Variants in ACOX3 observed in about 807,000 individuals in gnomAD.
ACOX3 encodes the protein peroxisomal acyl-coenzyme A oxidase 3.
Under a neutral mutation model 81.5 loss-of-function variants are expected in ACOX3, and 73 were observed. The ratio of observed to expected loss-of-function variants is 0.90; its 90% confidence interval spans 0.74 to 1.09. The LOEUF is 1.09. Ranked by LOEUF, ACOX3 falls within the 50% of genes least tolerant of loss-of-function variation. The pLI is 0.00. For missense variants in ACOX3, 947 were observed against 928.0 expected (o/e 1.02, Z -0.27); for synonymous variants, 387 against 375.1 (o/e 1.03, Z -0.37).
intron 11 of ACOX3, among the ~76,000 whole-genome samples, chr4:8,390,120 A>C (rs1020065353): frequency 4.6e-5 from 7 of 151,168 alleles, no homozygotes; most frequent in East Asian, 1.9e-4. Context: ...ACAACAACAA[A>C]AAAAGCCATG....
Position 8,368,552 on chromosome 4 carries a change from AC to A in ACOX3, c.1984-1473del, listed in dbSNP as rs1715762342. Among the ~76,000 whole-genome samples, 1 of 152,052 alleles carries A rather than the reference AC, an allele frequency of 6.6e-6. No homozygotes were observed. The highest frequency in any genetic ancestry group is 1.5e-5 in the Non-Finnish European group (1 of 68,006). On this transcript the variant is annotated intron_variant, in intron 17 of 17. Transcript: ENST00000356406. This position sits in a 1 kb window ranked among gnomAD's most constrained non-coding sequence, Gnocchi z 5.9. ...GCTACTCTGGGCTCCACAGACACAGACCCAGGCTGCTGCTCCACAGGGCCTA... is the reference window on the plus strand; with the variant it reads ...GCTACTCTGGGCTCCACAGACACAGACCAGGCTGCTGCTCCACAGGGCCTA...
the ACOX3 span, chr4:8,357,187 C>T: frequency 2.2e-6 from 1 of 456,732 alleles, no homozygotes; most frequent in Non-Finnish European, 4.4e-6. Flanking sequence ...AACATGAAGC[C>T]AGCAGGTGAG....
chr4:8,429,525 A>G (rs1326947297), intron 1 of ACOX3, among the ~76,000 whole-genome samples: 3 of 152,192 alleles, frequency 2.0e-5, no homozygotes, highest in Non-Finnish European at 4.4e-5. Context: ...TCGCCACAGT[A>G]TCTTATCAGT....
rs143690057 is a variant in ACOX3 at position 8,415,985 on chromosome 4, T to C, written c.159A>G (p.Ser53=). The C allele has an allele frequency of 3.6e-5, 58 of 1,614,122 alleles. No homozygotes were observed. In the African/African-American group the frequency reaches 6.7e-4, roughly 19 times the overall value. The part of the protein sequence containing the change: ...GMLRFKKTIF[S]ALENDPLFAR... ...CGAAAAGAGGGTCATTCTCAAGAGCTGAGAAGATGGTTTTCTGGAAATGCA... is the reference window on the plus strand; with the variant it reads ...CGAAAAGAGGGTCATTCTCAAGAGCCGAGAAGATGGTTTTCTGGAAATGCA... The change falls in exon 3 of 18, where the codon TCA becomes TCG. Residue 53 remains serine, a synonymous_variant. Transcript: ENST00000356406.
chr4:8,391,066 T>TATGTAG (rs1245604582), intron 11 of ACOX3, among the ~76,000 whole-genome samples: 2 of 151,158 alleles, frequency 1.3e-5, no homozygotes, highest in African/African-American at 2.4e-5. Flanking sequence ...TGTATATGTA[T>TATGTAG]ATGTATATGA....
chr4:8,387,832 T>G (rs1718495191), intron 13 of ACOX3, among the ~76,000 whole-genome samples: 1 of 152,176 alleles, frequency 6.6e-6, no homozygotes, highest in Non-Finnish European at 1.5e-5. Context: ...CAAGGGAGCC[T>G]TCAGGAGTGC....
At chr4:8,373,705 A>G in intron 15 of ACOX3, 77 bp from the exon 16 acceptor site, 6 of 1,429,712 alleles carry the variant, frequency 4.2e-6, no homozygotes, top group Non-Finnish European at 5.8e-6. Context: ...CCCTGAGTGC[A>G]CTTTCCAAAT....
chr4:8,414,201 G>GTTT lies in ACOX3; in HGVS notation c.543+88_543+90dup. The GTTT allele has an allele frequency of 3.3e-5, 33 of 1,009,872 alleles. No homozygotes were observed. Among genetic ancestry groups the GTTT allele is most frequent in the Middle Eastern group, 2.5e-4 (1 of 3,942 alleles). The allele number at this position is 1,009,872 out of a possible 1,614,324, so 62.6% of individuals were successfully genotyped here. ...ATGTGGACAGGCCTCTTGCTTTAAT[G>GTTT]TTTTTTTTTTCTTATTCTGGGCAAC... On this transcript the variant is annotated intron_variant, in intron 5 of 17. Transcript: ENST00000356406. This position sits in a 1 kb window ranked among gnomAD's most constrained non-coding sequence, Gnocchi z 6.1.
chr4:8,437,666 C>T lies in ACOX3; in HGVS notation c.-15+2982G>A, dbSNP rs6841538. Reference sequence around the variant, plus strand: ...GAAGAAGTCAAGTTAGGCAAGGATTCGAGAGCCGGCCAAGGCTAGAGAGAC... The same window carrying T: ...GAAGAAGTCAAGTTAGGCAAGGATTTGAGAGCCGGCCAAGGCTAGAGAGAC... On this transcript the variant is annotated intron_variant, in intron 1 of 17. Transcript: ENST00000356406. This position sits in a 1 kb window ranked among gnomAD's most constrained non-coding sequence, Gnocchi z 5.2. Among the ~76,000 whole-genome samples the T allele has an allele frequency of 0.03, 4,630 of 152,254 alleles. 253 individuals are homozygous for T. Among genetic ancestry groups the T allele is most frequent in the African/African-American group, 0.11 (4,397 of 41,538 alleles).
rs1018446303 is a variant in ACOX3, at chr4:8,432,709, A to G, written c.-15+7939T>C. On this transcript the variant is annotated intron_variant, in intron 1 of 17. Coordinates refer to ENST00000356406, the MANE Select transcript of ACOX3 (RefSeq NM_003501.3). The surrounding 1 kb of genome is among the most constrained non-coding windows in gnomAD (Gnocchi z 6.2). ...AACAGGGCTGCCACTCAGGGCGCTC[A>G]GAGCAGCCAGGGACTTCCGGTTGGA... Among the ~76,000 whole-genome samples, 2 of 152,176 alleles carry G rather than the reference A, an allele frequency of 1.3e-5. No individual in the cohort carries two copies. The highest frequency in any genetic ancestry group is 2.9e-5 in the Non-Finnish European group (2 of 68,042).
intron 1 of ACOX3, chr4:8,436,489 A>G (rs2109053857): frequency 6.6e-6 from 1 of 152,320 alleles, no homozygotes; most frequent in South Asian, 2.1e-4. Context: ...GCCTGTTAAG[A>G]TCTAGGAAAA....
chr4:8,357,061 G>C, the ACOX3 span: 1 of 455,820 alleles, frequency 2.2e-6, no homozygotes, highest in Non-Finnish European at 4.4e-6. Context: ...AAAGTGTGGA[G>C]AACGGTGCAC....
At chr4:8,369,169 C>A (rs1715844111) in intron 17 of ACOX3, among the ~76,000 whole-genome samples, 1 of 152,192 alleles carries the variant, frequency 6.6e-6, no homozygotes, top group African/African-American at 2.4e-5. Flanking sequence ...CAAGGCCGCT[C>A]CGGCTTCTCC....
downstream of ACOX3, among the ~76,000 whole-genome samples, chr4:8,364,511 A>T (rs575094522): frequency 3.8e-4 from 41 of 107,768 alleles, no homozygotes; most frequent in African/African-American, 1.6e-3. The surrounding 1 kb of genome is among the most constrained non-coding windows in gnomAD (Gnocchi z 5.0). Context: ...ACATGGTGAC[A>T]TCGTGGCATC....
At position 8,423,620 on chromosome 4, in the gene ACOX3, T is replaced by C. The variant is rs1723177814; in HGVS notation, c.-14-7085A>G. Reference sequence around the variant, plus strand: ...TGGAGGTTAGTGCAAGATCTCAGGATTATCAATGAGGCTGTTGTTCCTCTA... The same window carrying C: ...TGGAGGTTAGTGCAAGATCTCAGGACTATCAATGAGGCTGTTGTTCCTCTA... On this transcript the variant is annotated intron_variant, in intron 1 of 17. Coordinates refer to ENST00000356406, the MANE Select transcript of ACOX3 (RefSeq NM_003501.3). The surrounding 1 kb of genome is among the most constrained non-coding windows in gnomAD (Gnocchi z 4.2). 2.0e-5 allele frequency among the ~76,000 whole-genome samples: 3 copies of C among 152,074 alleles called. No homozygotes were observed. Among genetic ancestry groups the C allele is most frequent in the Non-Finnish European group, 4.4e-5 (3 of 67,998 alleles).
At chr4:8,377,117 C>A (rs1031952426) in intron 14 of ACOX3, among the ~76,000 whole-genome samples, 8 of 152,162 alleles carry the variant, frequency 5.3e-5, no homozygotes, top group Non-Finnish European at 8.8e-5. Flanking sequence ...CTGCCCACAC[C>A]CCAAAACGTG....
rs1444705671 is a variant in ACOX3, at chr4:8,382,462, G to A, written c.1538-855C>T. Among the ~76,000 whole-genome samples the A allele has an allele frequency of 3.9e-5, 6 of 152,186 alleles. No individual in the cohort carries two copies. Among genetic ancestry groups the A allele is most frequent in the Non-Finnish European group, 7.4e-5 (5 of 68,010 alleles). On this transcript the variant is annotated intron_variant, in intron 13 of 17. Coordinates refer to ENST00000356406, the MANE Select transcript of ACOX3 (RefSeq NM_003501.3). The surrounding 1 kb of genome is among the most constrained non-coding windows in gnomAD (Gnocchi z 4.1). ...GGCGAGCATGTGAGGGAGGGGTGCA[G>A]ACCACCCACATGTGGAGGCCACGCT... is the stretch of plus-strand genomic sequence containing the variant.
intron 10 of ACOX3, among the ~76,000 whole-genome samples, chr4:8,393,633 A>ACG (rs1553843539): frequency 2.0e-3 from 142 of 71,182 alleles, no homozygotes; most frequent in African/African-American, 5.1e-3. Context: ...ACACACACAC[A>ACG]CACGCACACA....
intron 1 of ACOX3, among the ~76,000 whole-genome samples, chr4:8,428,024 G>C (rs533963035): frequency 2.6e-5 from 4 of 152,248 alleles, no homozygotes; most frequent in Non-Finnish European, 4.4e-5. Flanking sequence ...GCAGTTTCTG[G>C]CAAGGAAGTG....
Sources: gnomAD v4.1 joint callset for allele counts (sites outside exome capture counted in the v4.1 genomes callset) on GRCh38, gnomAD v4.1.1 for gene constraint, Gnocchi (gnomAD v3.1) non-coding constraint, MANE v1.5 for transcripts, NCBI Gene and HGNC (gene_info 2026-07-23, HGNC 2026-07-21) for gene names.